Variants in ARL15 observed in about 807,000 individuals in gnomAD.
ARL15 encodes the protein ARF like GTPase 15.
A neutral mutation model predicts 25.2 loss-of-function variants in ARL15; 19 were observed. The observed-to-expected ratio is 0.75, with a 90% CI of 0.53 to 1.10. ARL15 has a LOEUF of 1.10. Ranked by LOEUF, ARL15 falls within the 50% of genes least tolerant of loss-of-function variation. The pLI, the probability that ARL15 is intolerant of heterozygous loss-of-function variation, is 0.00. For missense variants in ARL15, 220 were observed against 246.0 expected, an observed-to-expected ratio of 0.89 and a Z score of 0.71; for synonymous variants, 94 against 86.8, an observed-to-expected ratio of 1.08 and a Z score of -0.46.
At chr5:54,030,169 T>C (rs1316943141) in intron 4 of ARL15, among the ~76,000 whole-genome samples, 1 of 151,998 alleles carries the variant, frequency 6.6e-6, no homozygotes, top group Non-Finnish European at 1.5e-5. Context: ...AGCAACACCC[T>C]GTTTCAAAAA....
chr5:54,078,309 C>T (rs1751676681), intron 4 of ARL15, among the ~76,000 whole-genome samples: 1 of 152,084 alleles, frequency 6.6e-6, no homozygotes, highest in Non-Finnish European at 1.5e-5. Flanking sequence ...TGAATAAAAG[C>T]AAAGTGTAGA....
intron 3 of ARL15, among the ~76,000 whole-genome samples, chr5:54,137,757 T>C (rs1753648042): frequency 6.6e-6 from 1 of 152,218 alleles, no homozygotes; most frequent in South Asian, 2.1e-4. Context: ...TTTAATTTCA[T>C]CACAGCCTAT....
intron 3 of ARL15, among the ~76,000 whole-genome samples, chr5:54,139,781 G>A (rs1753717090): frequency 1.3e-5 from 2 of 152,074 alleles, no homozygotes; most frequent in African/African-American, 4.8e-5. Flanking sequence ...GCAGTGAGCT[G>A]AGATCGTCCC....
At chr5:53,969,075 T>G (rs1747656813) in intron 4 of ARL15, among the ~76,000 whole-genome samples, 1 of 151,916 alleles carries the variant, frequency 6.6e-6, no homozygotes, top group Non-Finnish European at 1.5e-5. Flanking sequence ...GTTTGAGAAT[T>G]GCTAGGTGGA....
chr5:54,200,644 T>C (rs896611320), intron 1 of ARL15, among the ~76,000 whole-genome samples: 1 of 152,178 alleles, frequency 6.6e-6, no homozygotes, highest in African/African-American at 2.4e-5. Context: ...AAGGGTTACC[T>C]GTACTAGGGT....
chr5:53,983,980 C>T (rs1377792107), intron 4 of ARL15, among the ~76,000 whole-genome samples: 1 of 152,200 alleles, frequency 6.6e-6, no homozygotes, highest in Non-Finnish European at 1.5e-5. Flanking sequence ...CTCACTGCAT[C>T]CCATTTCACT....
intron 4 of ARL15, among the ~76,000 whole-genome samples, chr5:54,029,589 T>C (rs1749907161): frequency 1.3e-5 from 2 of 152,206 alleles, no homozygotes; most frequent in South Asian, 4.1e-4. Context: ...CCGGGCATGG[T>C]GACTCTTGCC....
intron 4 of ARL15, among the ~76,000 whole-genome samples, chr5:53,922,271 C>T (rs1428826369): frequency 6.6e-6 from 1 of 152,164 alleles, no homozygotes; most frequent in Non-Finnish European, 1.5e-5. Flanking sequence ...TGTTCCCTTG[C>T]CTGTGTTTAG....
intron 4 of ARL15, among the ~76,000 whole-genome samples, chr5:54,087,933 C>T (rs1227258707): frequency 6.6e-6 from 1 of 152,168 alleles, no homozygotes; most frequent in Admixed American, 6.5e-5. Context: ...GCCTTGGCCT[C>T]GCAAAGTGCT....
intron 1 of ARL15, among the ~76,000 whole-genome samples, chr5:54,226,083 C>G (rs1260171518): frequency 6.6e-6 from 1 of 152,004 alleles, no homozygotes; most frequent in Non-Finnish European, 1.5e-5. Flanking sequence ...GGGATATAGA[C>G]ACGGGGGGAG....
At chr5:54,008,912 G>A (rs1043170933) in intron 4 of ARL15, among the ~76,000 whole-genome samples, 1 of 152,148 alleles carries the variant, frequency 6.6e-6, no homozygotes, top group Non-Finnish European at 1.5e-5. Flanking sequence ...CAGTATTGTG[G>A]CTGATTGGAG....
chr5:54,184,182 T>C (rs948334280), intron 1 of ARL15, among the ~76,000 whole-genome samples: 5 of 129,550 alleles, frequency 3.9e-5, no homozygotes, highest in African/African-American at 1.5e-4. Context: ...CACACCAGCA[T>C]GGCACATGTA....
At chr5:53,982,262 T>G (rs1038275616) in intron 4 of ARL15, among the ~76,000 whole-genome samples, 4 of 151,850 alleles carry the variant, frequency 2.6e-5, no homozygotes, top group Non-Finnish European at 5.9e-5. Flanking sequence ...GGTATACATG[T>G]GTCATGGTGG....
At chr5:53,905,291 A>C (rs920476307) in intron 4 of ARL15, among the ~76,000 whole-genome samples, 2 of 152,158 alleles carry the variant, frequency 1.3e-5, no homozygotes, top group African/African-American at 4.8e-5. Context: ...TAAATAAATA[A>C]AATTAAAATA....
intron 1 of ARL15, among the ~76,000 whole-genome samples, chr5:54,224,365 A>C (rs1756461502): frequency 6.6e-6 from 1 of 152,184 alleles, no homozygotes; most frequent in Non-Finnish European, 1.5e-5. Context: ...GAACTGATGG[A>C]GGGAAGAAGG....
intron 3 of ARL15, among the ~76,000 whole-genome samples, chr5:54,138,986 A>C (rs1253007383): frequency 6.6e-6 from 1 of 152,226 alleles, no homozygotes; most frequent in Non-Finnish European, 1.5e-5. Flanking sequence ...CCCAGCAAGA[A>C]TGGCCATTAT....
intron 4 of ARL15, among the ~76,000 whole-genome samples, chr5:54,074,412 A>G (rs1418040205): frequency 6.6e-6 from 1 of 152,256 alleles, no homozygotes; most frequent in Non-Finnish European, 1.5e-5. Context: ...CACAAACCAC[A>G]GATTGTCAAT....
intron 4 of ARL15, among the ~76,000 whole-genome samples, chr5:54,039,727 G>A (rs1488872351): frequency 2.7e-5 from 4 of 149,550 alleles, no homozygotes; most frequent in African/African-American, 4.9e-5. Flanking sequence ...GCTTGAACCC[G>A]GGAGGTGGAG....
chr5:53,959,098 G>T (rs923709193), intron 4 of ARL15, among the ~76,000 whole-genome samples: 9 of 152,250 alleles, frequency 5.9e-5, no homozygotes, highest in Middle Eastern at 3.4e-3. Context: ...GCCAGTAACA[G>T]AATACACCTT....
Sources: gnomAD v4.1 joint callset for allele counts (sites outside exome capture counted in the v4.1 genomes callset) on GRCh38, gnomAD v4.1.1 for gene constraint, MANE v1.5 for transcripts, NCBI Gene and HGNC (gene_info 2026-07-23, HGNC 2026-07-21) for gene names.